The following VPS13D variants were observed in gnomAD, a reference collection of about 807,000 sequenced individuals.
The protein encoded by VPS13D is vacuolar protein sorting 13 homolog D.
Under a neutral mutation model 461.9 loss-of-function variants are expected in VPS13D, and 187 were observed. The ratio of observed to expected loss-of-function variants is 0.40; its 90% CI spans 0.36 to 0.46. VPS13D has a LOEUF of 0.46. VPS13D is among the 20% of genes least tolerant of loss of function. VPS13D has a pLI of 0.60. For missense variants in VPS13D, 4,711 were observed against 5,364.9 expected (o/e 0.88, Z 3.81); for synonymous variants, 1,951 against 1,986.3 (o/e 0.98, Z 0.47).
At chr1:12,344,776 G>C (rs906961639) in intron 42 of VPS13D, 10 of 152,152 alleles carry the variant, frequency 6.6e-5, no homozygotes, top group African/African-American at 2.4e-4. Context: ...CTTCTGGCTT[G>C]AATTAGGCAA....
Position 12,262,070 on chromosome 1 carries a change from C to T in VPS13D, c.1584C>T (p.Leu528=), listed in dbSNP as rs1184131777. The change falls in exon 13 of 70, where the codon CTC becomes CTT. Residue 528 remains leucine, a synonymous_variant. Coordinates refer to ENST00000620676, the MANE Select transcript of VPS13D (RefSeq NM_015378.4). ...TGAATGAAAGTGCTTTCATGCAGCT[C>T]GAGTTTTCAGGTACACTGCCCCCAA... is the stretch of plus-strand genomic sequence containing the variant. ...PQMNESAFMQ[L]EFSDVKLLAE... is the part of the protein sequence containing the mutation. The T allele has an allele frequency of 4.3e-6, 7 of 1,609,486 alleles. No homozygotes were observed. Among genetic ancestry groups the T allele is most frequent in the African/African-American group, 1.3e-5 (1 of 74,812 alleles).
chr1:12,437,234 A>G (rs187073628), intron 65 of VPS13D, among the ~76,000 whole-genome samples: 232 of 152,312 alleles, frequency 1.5e-3, no homozygotes, highest in African/African-American at 5.4e-3. Context: ...TGCCTCCAGC[A>G]TTTCTCATTA....
chr1:12,391,215 T>A (rs1644422436), intron 60 of VPS13D, among the ~76,000 whole-genome samples: 2 of 152,214 alleles, frequency 1.3e-5, no homozygotes, highest in Non-Finnish European at 2.9e-5. Context: ...TGGGAAGATT[T>A]TCCTTAACTG....
chr1:12,476,391 G>A lies in VPS13D; in HGVS notation c.12662+15995G>A, dbSNP rs114474272. Among the ~76,000 whole-genome samples, 678 of 152,322 alleles carry A rather than the reference G, an allele frequency of 4.5e-3. 7 individuals are homozygous for A. The highest frequency in any genetic ancestry group is 0.016 in the African/African-American group (662 of 41,576). On this transcript the variant is annotated intron_variant, in intron 67 of 69. Transcript: ENST00000620676. ...TTTTAATATATCAGAGACTCCTGATGCATCTGGGCTCATGATGGGCCAAAG... is the reference window on the plus strand; with the variant it reads ...TTTTAATATATCAGAGACTCCTGATACATCTGGGCTCATGATGGGCCAAAG...
Position 12,342,915 on chromosome 1 carries a change from A to G in VPS13D, c.8749A>G (p.Ser2917Gly). ...TTPTRAALSH[S>G]GSPGVVPEGN... is the part of the protein sequence containing the mutation. ...TGGTTCCAGAGCTGCACTCTCTCACAGTGGGAGTCCAGGGGTAGTTCCAGA... is the reference window on the plus strand; with the variant it reads ...TGGTTCCAGAGCTGCACTCTCTCACGGTGGGAGTCCAGGGGTAGTTCCAGA... Residue 2917 changes from serine to glycine, a missense_variant, in exon 42 of 70, where the codon AGT (serine) becomes GGT (glycine). Physicochemically the swap from Ser to Gly is moderately conservative, Grantham distance 56 (BLOSUM62 0). Transcript: ENST00000620676. 6.2e-7 allele frequency: 1 copy of G among 1,612,902 alleles called. No individual in the cohort carries two copies. The highest frequency in any genetic ancestry group is 8.5e-7 in the Non-Finnish European group (1 of 1,179,070).
chr1:12,447,635 C>G (rs1258356568), intron 65 of VPS13D, among the ~76,000 whole-genome samples: 2 of 152,168 alleles, frequency 1.3e-5, no homozygotes, highest in African/African-American at 4.8e-5. Flanking sequence ...CCCTTGAAAC[C>G]TATTTTACTT....
chr1:12,348,004 G>T (rs1186934378), intron 44 of VPS13D, among the ~76,000 whole-genome samples: 1 of 152,156 alleles, frequency 6.6e-6, no homozygotes, highest in African/African-American at 2.4e-5. Flanking sequence ...TCCTTTTTAT[G>T]AACAAGTGAT....
intron 65 of VPS13D, among the ~76,000 whole-genome samples, chr1:12,417,270 T>G (rs1419829267): frequency 6.6e-6 from 1 of 152,218 alleles, no homozygotes; most frequent in East Asian, 1.9e-4. Context: ...TTAAGCCACC[T>G]GAAACCAGCA....
intron 7 of VPS13D, among the ~76,000 whole-genome samples, chr1:12,255,911 A>C (rs180909955): frequency 1.7e-4 from 26 of 151,278 alleles, no homozygotes; most frequent in Non-Finnish European, 3.1e-4. Context: ...AAAGAAAGAA[A>C]AAAGAAATAT....
At chr1:12,475,743 C>A (rs1366220225) in intron 67 of VPS13D, among the ~76,000 whole-genome samples, 3 of 152,360 alleles carry the variant, frequency 2.0e-5, no homozygotes, top group Admixed American at 6.5e-5. Flanking sequence ...GGCTTGATCA[C>A]ATGGGTGGAG....
chr1:12,361,894 T>C (rs1643956382), intron 50 of VPS13D, among the ~76,000 whole-genome samples: 2 of 152,224 alleles, frequency 1.3e-5, no homozygotes, highest in South Asian at 4.1e-4. Flanking sequence ...AGTCTCACAC[T>C]GTCACCCAGA....
At chr1:12,303,491 G>A (rs891095983) in intron 25 of VPS13D, among the ~76,000 whole-genome samples, 1 of 152,094 alleles carries the variant, frequency 6.6e-6, no homozygotes, top group East Asian at 1.9e-4. Context: ...TAAGTGAGAG[G>A]GAAAGGTTTT....
intron 54 of VPS13D, 51 bp from the exon 55 acceptor site, chr1:12,373,699 G>T: frequency 9.1e-7 from 1 of 1,099,944 alleles, no homozygotes; most frequent in South Asian, 3.0e-5. Flanking sequence ...GTATGTGTGT[G>T]TATACCTGTA....
Position 12,369,571 on chromosome 1 carries a change from A to G in VPS13D, c.10677A>G (p.Pro3559=). 6.2e-7 allele frequency: 1 copy of G among 1,614,070 alleles called. No individual in the cohort carries two copies. Among genetic ancestry groups the G allele is most frequent in the African/African-American group, 1.3e-5 (1 of 75,006 alleles). ...ATGCCTGGGACGAACCCACCTTGCC[A>G]CCTTTTATCACTCTGACTGTTAAAG... is the stretch of plus-strand genomic sequence containing the variant. ...LDYAWDEPTL[P]PFITLTVKGA... Residue 3559 remains proline (P), a synonymous_variant, in exon 54 of 70, where the codon CCA becomes CCG. Coordinates refer to ENST00000620676, the MANE Select transcript of VPS13D (RefSeq NM_015378.4).
chr1:12,244,284 C>T lies in VPS13D; in HGVS notation c.214C>T (p.Arg72Cys), dbSNP rs780422216. 3.7e-6 allele frequency: 6 copies of T among 1,613,562 alleles called. No individual in the cohort carries two copies. Among genetic ancestry groups the T allele is most frequent in the East Asian group, 4.5e-5 (2 of 44,882 alleles). Residue 72 changes from arginine to cysteine, a missense_variant, in exon 4 of 70, where the codon CGC becomes TGC. Transcript: ENST00000620676. ...GKVTLQIPFY[R>C]PHVDPWVISI... The stretch of plus-strand genomic sequence containing the variant: ...AGTAACCCTTCAGATTCCCTTTTAT[C>T]GCCCCCATGTGGACCCTTGGGTGAT...
At chr1:12,486,628 T>C (rs1287509473) in intron 67 of VPS13D, among the ~76,000 whole-genome samples, 2 of 152,166 alleles carry the variant, frequency 1.3e-5, no homozygotes, top group African/African-American at 2.4e-5. Flanking sequence ...GGTCGGTAAC[T>C]TTCTAGTGTC....
chr1:12,401,589 A>G lies in VPS13D; in HGVS notation c.11785-19A>G. 2 of 1,594,222 alleles carry G rather than the reference A, an allele frequency of 1.3e-6. No individual in the cohort carries two copies. The highest frequency in any genetic ancestry group is 2.2e-5 in the South Asian group (2 of 90,470). Reference sequence around the variant, plus strand: ...CCTTCTGGTGTTCACACTTTAAATCAGAATTTCTTTATCTCTAGCATCTGA... The same window carrying G: ...CCTTCTGGTGTTCACACTTTAAATCGGAATTTCTTTATCTCTAGCATCTGA... On this transcript the variant is annotated intron_variant, in intron 61 of 69. Coordinates refer to ENST00000620676, the MANE Select transcript of VPS13D (RefSeq NM_015378.4).
At chr1:12,295,985 C>T (rs957562801) in intron 24 of VPS13D, among the ~76,000 whole-genome samples, 1 of 152,128 alleles carries the variant, frequency 6.6e-6, no homozygotes, top group African/African-American at 2.4e-5. Flanking sequence ...TGCTTTTCCC[C>T]CCATTTAGTG....
chr1:12,249,252 T>A lies in VPS13D; in HGVS notation c.477T>A (p.Phe159Leu), dbSNP rs200718311. The A allele has an allele frequency of 3.8e-5, 61 of 1,613,674 alleles. No homozygotes were observed. Among genetic ancestry groups the A allele is most frequent in the Middle Eastern group, 1.6e-4 (1 of 6,080 alleles). ...ELKIQDVHLR[F>L]EDGVTNPSHP... is the part of the protein sequence containing the mutation. Reference sequence around the variant, plus strand: ...AAATTCAAGATGTCCATTTACGCTTTGAAGATGGTGTCACCAATCCCTCCC... The same window carrying A: ...AAATTCAAGATGTCCATTTACGCTTAGAAGATGGTGTCACCAATCCCTCCC... Residue 159 changes from phenylalanine to leucine, a missense_variant, in exon 6 of 70, where the codon TTT becomes TTA. Physicochemically the swap from Phe to Leu is conservative, Grantham distance 22. Coordinates refer to ENST00000620676, the MANE Select transcript of VPS13D (RefSeq NM_015378.4).
Sources: allele counts gnomAD v4.1 joint callset (sites outside exome capture counted in the v4.1 genomes callset), GRCh38; gene constraint gnomAD v4.1.1; transcripts MANE v1.5; gene names NCBI Gene and HGNC (gene_info 2026-07-23, HGNC 2026-07-21).